The following NAALADL2 variants were observed in gnomAD, a reference collection of about 807,000 sequenced individuals.
NAALADL2 encodes N-acetylated alpha-linked acidic dipeptidase like 2.
In NAALADL2, 76 loss-of-function variants were observed where a neutral mutation model predicts 87.2. The observed-to-expected ratio is 0.87, with a 90% CI of 0.72 to 1.05. The LOEUF (loss-of-function observed/expected upper bound fraction) is 1.05, where lower values mean the gene tolerates loss of function less well. Among genes scored for constraint, NAALADL2 ranks in the 50% least tolerant of loss-of-function variants. NAALADL2 has a pLI of 0.00. For missense variants in NAALADL2, 1,089 were observed against 945.8 expected, an observed-to-expected ratio of 1.15 and a Z score of -1.99; for synonymous variants, 354 against 331.0, an observed-to-expected ratio of 1.07 and a Z score of -0.75.
chr3:175,463,615 C>T, intron 7 of NAALADL2, 122 bp downstream of exon 7: 1 of 485,794 alleles, frequency 2.1e-6, no homozygotes. Flanking sequence ...ATTTGTCCCA[C>T]TCTTAGAGTA....
chr3:175,217,084 G>A (rs1742668715), intron 2 of NAALADL2, among the ~76,000 whole-genome samples: 1 of 152,118 alleles, frequency 6.6e-6, no homozygotes, highest in Non-Finnish European at 1.5e-5. Context: ...TGCTTTAGGT[G>A]TTTTGCATAC....
At chr3:175,783,523 G>T (rs1175005706) in intron 13 of NAALADL2, among the ~76,000 whole-genome samples, 1 of 151,690 alleles carries the variant, frequency 6.6e-6, no homozygotes, top group African/African-American at 2.4e-5. Context: ...TGGTGTATAA[G>T]AATGCTTGTG....
intron 10 of NAALADL2, among the ~76,000 whole-genome samples, chr3:175,596,415 C>T (rs918852817): frequency 1.3e-5 from 2 of 151,912 alleles, no homozygotes; most frequent in African/African-American, 4.8e-5. Flanking sequence ...CAACCATAGA[C>T]TCTCACAGAA....
At chr3:175,648,012 C>A (rs1049888926) in intron 11 of NAALADL2, among the ~76,000 whole-genome samples, 1 of 152,180 alleles carries the variant, frequency 6.6e-6, no homozygotes, top group Non-Finnish European at 1.5e-5. Context: ...AAGTGGTGAG[C>A]AGTAAAGCCA....
chr3:174,993,368 GGAA>G (rs1331385977), intron 1 of NAALADL2, among the ~76,000 whole-genome samples: 1 of 152,028 alleles, frequency 6.6e-6, no homozygotes, highest in Admixed American at 6.6e-5. Flanking sequence ...TTCGATGCTG[GGAA>G]CACAGGGGTG....
intron 1 of NAALADL2, among the ~76,000 whole-genome samples, chr3:174,899,576 G>A (rs1732056182): frequency 6.6e-6 from 1 of 152,240 alleles, no homozygotes; most frequent in Non-Finnish European, 1.5e-5. Flanking sequence ...CTGCCATAAT[G>A]TAAGTTTCCT....
At chr3:174,658,674 A>G (rs1361578527) in intron 2 of NAALADL2, among the ~76,000 whole-genome samples, 2 of 152,174 alleles carry the variant, frequency 1.3e-5, no homozygotes, top group Non-Finnish European at 2.9e-5. Flanking sequence ...CTTTACTTTT[A>G]ATATTTGGCC....
chr3:174,907,796 CAA>C (rs1733154805), intron 1 of NAALADL2, among the ~76,000 whole-genome samples: 1 of 151,862 alleles, frequency 6.6e-6, no homozygotes, highest in African/African-American at 2.4e-5. Flanking sequence ...AGTGAACAAA[CAA>C]AATGAAGATT....
chr3:175,754,386 T>G (rs995701057), intron 12 of NAALADL2, among the ~76,000 whole-genome samples: 3 of 152,130 alleles, frequency 2.0e-5, no homozygotes, highest in African/African-American at 7.2e-5. Flanking sequence ...CTGTGGAGCC[T>G]TTGCTACCAC....
intron 1 of NAALADL2, among the ~76,000 whole-genome samples, chr3:174,482,255 G>T (rs1717598946): frequency 6.6e-6 from 1 of 152,042 alleles, no homozygotes; most frequent in South Asian, 2.1e-4. Flanking sequence ...GTGTCTGATT[G>T]ATGAAGCTTA....
intron 2 of NAALADL2, among the ~76,000 whole-genome samples, chr3:175,165,835 T>A (rs1312048136): frequency 6.6e-6 from 1 of 152,014 alleles, no homozygotes. Flanking sequence ...TCCAGGGGTG[T>A]GCTTAGCATC....
intron 1 of NAALADL2, among the ~76,000 whole-genome samples, chr3:175,003,930 C>G (rs956731598): frequency 2.0e-5 from 3 of 152,152 alleles, no homozygotes; most frequent in Non-Finnish European, 4.4e-5. Flanking sequence ...CAGAAAACAA[C>G]AATGAGACAG....
chr3:175,311,528 A>G (rs1438318461), intron 4 of NAALADL2, among the ~76,000 whole-genome samples: 2 of 152,098 alleles, frequency 1.3e-5, no homozygotes, highest in African/African-American at 4.8e-5. Context: ...TGAGGCCACA[A>G]TGGGAAATTA....
Position 174,743,372 on chromosome 3 carries a change from C to T in NAALADL2, c.-9+5626C>T, listed in dbSNP as rs535280519. On this transcript the variant is annotated intron_variant, in intron 3 of 3. Transcript: ENST00000434257. ...TGAAACCTCTCTGTTTCTGAGAAAA[C>T]GGTCTTAAAGCACACAGGTCATTTG... 8.6e-5 allele frequency among the ~76,000 whole-genome samples: 13 copies of T among 151,814 alleles called. No homozygotes were observed. In the South Asian group the frequency reaches 1.5e-3, roughly 17 times the overall value.
chr3:175,384,166 TGAA>T lies in NAALADL2; in HGVS notation c.1090+59845_1090+59847del, dbSNP rs1353027785. Among the ~76,000 whole-genome samples the T allele has an allele frequency of 6.6e-5, 10 of 152,208 alleles. No homozygotes were observed. The East Asian group carries it at 1.7e-3, about 26-fold the overall frequency. ...CCTCTCTCTGAGAACTTGCCTCTAG[TGAA>T]GAAATTTTCTATTTGGGTTTACGAG... On this transcript the variant is annotated intron_variant, in intron 5 of 13. Transcript: ENST00000454872.
intron 4 of NAALADL2, among the ~76,000 whole-genome samples, chr3:175,321,987 C>T (rs921158021): frequency 3.2e-4 from 48 of 152,066 alleles, no homozygotes; most frequent in African/African-American, 1.1e-3. Context: ...GAAAAAACTA[C>T]TTTAAAGTTC....
rs182815374 is a variant in NAALADL2 at position 175,647,034 on chromosome 3, C to T, written c.1896+19648C>T. Among the ~76,000 whole-genome samples, 5 of 152,150 alleles carry T rather than the reference C, an allele frequency of 3.3e-5. No individual in the cohort carries two copies. The East Asian group carries it at 9.6e-4, about 29-fold the overall frequency. Reference sequence around the variant, plus strand: ...ATATCTATATGAACACACTCTTTACCAGATCCAAGGCAGAGCAAGAGCAAA... The same window carrying T: ...ATATCTATATGAACACACTCTTTACTAGATCCAAGGCAGAGCAAGAGCAAA... On this transcript the variant is annotated intron_variant, in intron 11 of 13. Coordinates refer to ENST00000454872, the MANE Select transcript of NAALADL2 (RefSeq NM_207015.3).
chr3:175,484,352 A>G (rs186481643), intron 9 of NAALADL2, among the ~76,000 whole-genome samples: 12 of 152,280 alleles, frequency 7.9e-5, no homozygotes, highest in Non-Finnish European at 1.0e-4. Flanking sequence ...TGCGAATGCT[A>G]TGTAAGTAAC....
intron 1 of NAALADL2, among the ~76,000 whole-genome samples, chr3:175,095,101 G>A (rs762196029): frequency 2.0e-5 from 3 of 151,952 alleles, no homozygotes; most frequent in Non-Finnish European, 2.9e-5. Flanking sequence ...GCCCATGTGC[G>A]CTATCCTCAG....
Sources: allele counts gnomAD v4.1 joint callset (sites outside exome capture counted in the v4.1 genomes callset), GRCh38; gene constraint gnomAD v4.1.1; transcripts MANE v1.5; gene names NCBI Gene and HGNC (gene_info 2026-07-23, HGNC 2026-07-21).